The following GSK3B variants were observed in gnomAD, a reference collection of about 807,000 sequenced individuals.
The protein encoded by GSK3B is glycogen synthase kinase-3 beta.
Under a neutral mutation model 56.4 loss-of-function variants are expected in GSK3B, and 15 were observed. The ratio of observed to expected loss-of-function variants is 0.27; its 90% CI spans 0.18 to 0.41. The LOEUF (loss-of-function observed/expected upper bound fraction) is 0.41. Among genes scored for constraint, GSK3B ranks in the 10% least tolerant of loss-of-function variants. GSK3B has a pLI of 1.00. For synonymous variants in GSK3B, 181 were observed against 188.9 expected, an observed-to-expected ratio of 0.96 and a Z score of 0.34; for missense variants, 300 against 513.4, an observed-to-expected ratio of 0.58 and a Z score of 4.02.
chr3:119,825,887 C>T lies in GSK3B; in HGVS notation c.*901G>A, dbSNP rs2107991357. 9.2e-6 allele frequency: 2 copies of T among 218,448 alleles called. No homozygotes were observed. The highest frequency in any genetic ancestry group is 3.7e-4 in the South Asian group (2 of 5,422). 13.5% of individuals were successfully genotyped at this position (218,448 alleles called of 1,614,324 possible). The stretch of plus-strand genomic sequence containing the variant: ...TCACAGTGGTGAGATGTATCCCTGA[C>T]CTGTCCCCTTCCTCTGGGCTCATCA... On this transcript the variant is annotated 3_prime_UTR_variant, in exon 11 of 11. Transcript: ENST00000264235.
chr3:119,921,417 A>C (rs976313717), intron 4 of GSK3B, among the ~76,000 whole-genome samples: 1 of 152,216 alleles, frequency 6.6e-6, no homozygotes, highest in Non-Finnish European at 1.5e-5. Context: ...TCAGGAAAAG[A>C]AAGACATTAT....
chr3:120,088,883 G>A lies in GSK3B; in HGVS notation c.88+4464C>T, dbSNP rs988536228. ...ATCTCCAACCCTGTCTCAACTTCAT[G>A]GGTCTTATTTAAAAGTATGGAACTG... is the stretch of plus-strand genomic sequence containing the variant. On this transcript the variant is annotated intron_variant, in intron 1 of 10. Transcript: ENST00000264235. Among the ~76,000 whole-genome samples the A allele has an allele frequency of 6.6e-5, 10 of 152,148 alleles. 1 individual carries two copies. Among genetic ancestry groups the A allele is most frequent in the Non-Finnish European group, 1.2e-4 (8 of 68,044 alleles).
intron 10 of GSK3B, among the ~76,000 whole-genome samples, chr3:119,837,876 T>C (rs1446585194): frequency 6.8e-6 from 1 of 146,656 alleles, no homozygotes; most frequent in Non-Finnish European, 1.5e-5. Flanking sequence ...AATATATATT[T>C]ATATTTTATA....
chr3:119,851,781 T>C (rs956859128), intron 9 of GSK3B, among the ~76,000 whole-genome samples: 13 of 152,230 alleles, frequency 8.5e-5, no homozygotes, highest in Non-Finnish European at 1.5e-4. Flanking sequence ...TTACATATAA[T>C]AATTGTCAGT....
At chr3:119,995,206 C>G (rs2057602997) in intron 2 of GSK3B, among the ~76,000 whole-genome samples, 1 of 151,302 alleles carries the variant, frequency 6.6e-6, no homozygotes, top group South Asian at 2.1e-4. Context: ...TGTGGTGGCG[C>G]ACACCTATGG....
At chr3:119,932,831 T>A (rs1255339771) in intron 3 of GSK3B, among the ~76,000 whole-genome samples, 1 of 152,116 alleles carries the variant, frequency 6.6e-6, no homozygotes. Flanking sequence ...AAATATAGGC[T>A]GGGTACGGTG....
At chr3:119,978,748 A>G (rs2057432665) in intron 2 of GSK3B, among the ~76,000 whole-genome samples, 1 of 152,018 alleles carries the variant, frequency 6.6e-6, no homozygotes, top group Non-Finnish European at 1.5e-5. Flanking sequence ...CGGAACATCC[A>G]ACATTGGACA....
chr3:119,867,482 A>C (rs1190510116), intron 8 of GSK3B, among the ~76,000 whole-genome samples: 1 of 152,206 alleles, frequency 6.6e-6, no homozygotes, highest in Non-Finnish European at 1.5e-5. Context: ...TAAATCCTAC[A>C]TCTTCCAGCA....
chr3:119,874,091 T>C (rs896449279), intron 8 of GSK3B, among the ~76,000 whole-genome samples: 4 of 152,176 alleles, frequency 2.6e-5, no homozygotes, highest in African/African-American at 9.6e-5. Flanking sequence ...GTACAGCTCT[T>C]TCATTAGCTG....
intron 9 of GSK3B, 52 bp downstream of exon 9, chr3:119,863,367 C>T: frequency 1.4e-6 from 2 of 1,389,838 alleles, no homozygotes; most frequent in African/African-American, 1.4e-5. Context: ...CATTTCACAC[C>T]CAGGGTGTAG....
At chr3:119,955,030 T>C (rs137912872) in intron 2 of GSK3B, among the ~76,000 whole-genome samples, 396 of 152,236 alleles carry the variant, frequency 2.6e-3, no homozygotes, top group African/African-American at 8.5e-3. Flanking sequence ...AAGTTCTACT[T>C]TCATAAAATC....
intron 2 of GSK3B, among the ~76,000 whole-genome samples, chr3:119,996,972 T>C (rs1485288656): frequency 9.9e-5 from 15 of 152,132 alleles, no homozygotes; most frequent in Admixed American, 9.8e-4. Context: ...CTGAATATTA[T>C]CATGTTTATA....
chr3:120,046,899 C>A (rs1461156454), intron 1 of GSK3B, among the ~76,000 whole-genome samples: 1 of 152,174 alleles, frequency 6.6e-6, no homozygotes, highest in Admixed American at 6.5e-5. Context: ...GTGTGAGCCA[C>A]CGCTCCCAGC....
chr3:119,964,326 A>G lies in GSK3B; in HGVS notation c.283-16975T>C, dbSNP rs114323703. On this transcript the variant is annotated intron_variant, in intron 2 of 10. Coordinates refer to ENST00000264235, the MANE Select transcript of GSK3B (RefSeq NM_001146156.2). ...GTCTCAAAAAGATACCTGCACTCCCATATTCATTGCAGCATTATTCACAAT... is the reference window on the plus strand; with the variant it reads ...GTCTCAAAAAGATACCTGCACTCCCGTATTCATTGCAGCATTATTCACAAT... 4.2e-3 allele frequency among the ~76,000 whole-genome samples: 647 copies of G among 152,346 alleles called. 1 individual carries two copies. Among genetic ancestry groups the G allele is most frequent in the African/African-American group, 0.015 (611 of 41,576 alleles).
chr3:119,946,194 T>C (rs62264737), intron 3 of GSK3B, among the ~76,000 whole-genome samples: 4,281 of 152,224 alleles, frequency 0.028, 100 homozygotes, highest in South Asian at 0.062. Context: ...AACAATTATA[T>C]GACTGTAGGT....
At chr3:119,987,942 C>T (rs2057531584) in intron 2 of GSK3B, among the ~76,000 whole-genome samples, 1 of 152,102 alleles carries the variant, frequency 6.6e-6, no homozygotes, top group Non-Finnish European at 1.5e-5. Context: ...TAATTACAAT[C>T]GTTATGTTAA....
At chr3:119,896,532 G>A (rs2056568499) in intron 7 of GSK3B, among the ~76,000 whole-genome samples, 1 of 151,248 alleles carries the variant, frequency 6.6e-6, no homozygotes, top group African/African-American at 2.4e-5. Flanking sequence ...CCTTCATACT[G>A]TCTTAATATC....
At chr3:120,064,721 G>T (rs1192626271) in intron 1 of GSK3B, among the ~76,000 whole-genome samples, 1 of 152,090 alleles carries the variant, frequency 6.6e-6, no homozygotes, top group East Asian at 1.9e-4. Flanking sequence ...GAAAAAGAAC[G>T]AAGTTGGAGG....
In GSK3B at chr3:119,932,346, T is replaced by C. The variant is rs115591020; in HGVS notation, c.367-8863A>G. On this transcript the variant is annotated intron_variant, in intron 3 of 10. Coordinates refer to ENST00000264235, the MANE Select transcript of GSK3B (RefSeq NM_001146156.2). The stretch of plus-strand genomic sequence containing the variant: ...GCTAGAGATGAGAATATAGTACTAA[T>C]AGTAAAGAGTGTGTGGATTAGGTAA... Among the ~76,000 whole-genome samples the C allele has an allele frequency of 4.9e-3, 741 of 152,228 alleles. 12 individuals carry two copies. Among genetic ancestry groups the C allele is most frequent in the African/African-American group, 0.017 (717 of 41,530 alleles).
Sources: gnomAD v4.1 joint callset for allele counts (sites outside exome capture counted in the v4.1 genomes callset) on GRCh38, gnomAD v4.1.1 for gene constraint, MANE v1.5 for transcripts, NCBI Gene and HGNC (gene_info 2026-07-23, HGNC 2026-07-21) for gene names.